The following MIB2 variants were observed in gnomAD, a reference collection of about 807,000 sequenced individuals.
MIB2 encodes MIB E3 ubiquitin protein ligase 2, also known as E3 ubiquitin-protein ligase MIB2.
A neutral mutation model predicts 96.6 loss-of-function variants in MIB2; 78 were observed. The ratio of observed to expected loss-of-function variants is 0.81; its 90% CI spans 0.67 to 0.97. The LOEUF is 0.97. Among genes scored for constraint, MIB2 ranks in the 50% least tolerant of loss-of-function variants. MIB2 has a pLI of 0.00. For synonymous variants in MIB2, 820 were observed against 629.5 expected, an observed-to-expected ratio of 1.30 and a Z score of -4.53; for missense variants, 1,543 against 1,424.0, an observed-to-expected ratio of 1.08 and a Z score of -1.35.
upstream of MIB2, chr1:1,615,402 TC>T: frequency 3.4e-6 from 5 of 1,454,986 alleles, no homozygotes; most frequent in Non-Finnish European, 4.5e-6. Context: ...ACGCAGACGC[TC>T]CCGCGTGACG....
rs998875766 is a variant in MIB2 at position 1,630,275 on chromosome 1, C to G, written c.2630-17C>G. On this transcript the variant is annotated splice_polypyrimidine_tract_variant and intron_variant, in intron 19 of 19. Coordinates refer to ENST00000355826, the MANE Select transcript of MIB2 (RefSeq NM_001170687.4). ...CCCACCCGGCCTCCCAGCTCACACC[C>G]GTCCCCCACCCCGCAGACGGCTCTG... 8 of 1,409,538 alleles carry G rather than the reference C, an allele frequency of 5.7e-6. No homozygotes were observed. Among genetic ancestry groups the G allele is most frequent in the African/African-American group, 1.6e-5 (1 of 64,318 alleles). The allele number at this position is 1,409,538 out of a possible 1,614,324, so 87.3% of individuals were successfully genotyped here.
Position 1,629,236 on chromosome 1 carries a change from G to A in MIB2, c.2306G>A (p.Arg769His). Reference protein sequence around the residue: ...EGADVSYTNHRGRSPLDLAAE... With the variant: ...EGADVSYTNHHGRSPLDLAAE... ...GCCGACGTGAGCTACACCAACCACC[G>A]CGGTCGGAGCCCGCTGGACCTGGCC... The change falls in exon 17 of 20, where the codon CGC becomes CAC. Residue 769 changes from arginine to histidine, a missense_variant. Coordinates refer to ENST00000355826, the MANE Select transcript of MIB2 (RefSeq NM_001170687.4). The A allele has an allele frequency of 1.3e-6, 2 of 1,544,872 alleles. No individual in the cohort carries two copies. Among genetic ancestry groups the A allele is most frequent in the Non-Finnish European group, 1.7e-6 (2 of 1,156,120 alleles).
chr1:1,625,467 T>TGCCCC lies in MIB2; in HGVS notation c.864+39_864+40insGCCCC. The TGCCCC allele has an allele frequency of 1.3e-6, 2 of 1,538,514 alleles. No individual in the cohort carries two copies. The highest frequency in any genetic ancestry group is 1.8e-6 in the Non-Finnish European group (2 of 1,134,290). On this transcript the variant is annotated intron_variant, in intron 7 of 19. Transcript: ENST00000355826. This position sits in a 1 kb window ranked among gnomAD's most constrained non-coding sequence, Gnocchi z 5.0. ...CCGTGGAGCCCTGTGTGCCCTGCCC[T>TGCCCC]CCCAGCCCTCCGCCCCCTCAGCCCC...
rs1265059549 is a variant in MIB2 at position 1,625,665 on chromosome 1, G to C, written c.972+12G>C. The C allele has an allele frequency of 6.5e-7, 1 of 1,547,564 alleles. No individual in the cohort carries two copies. The highest frequency in any genetic ancestry group is 1.4e-5 in the African/African-American group (1 of 73,066). ...GGGCGCTCACCAAGGTGCCGGGGGG[G>C]CTGGGCTGCGCCTCATCTGCTTGCT... On this transcript the variant is annotated intron_variant, in intron 8 of 19. Coordinates refer to ENST00000355826, the MANE Select transcript of MIB2 (RefSeq NM_001170687.4). This position sits in a 1 kb window ranked among gnomAD's most constrained non-coding sequence, Gnocchi z 5.0.
In MIB2 at chr1:1,626,370, C is replaced by T. The variant is rs1002496230; in HGVS notation, c.973-280C>T. The T allele has an allele frequency of 6.1e-6, 3 of 490,528 alleles. No homozygotes were observed. Among genetic ancestry groups the T allele is most frequent in the Admixed American group, 7.6e-5 (2 of 26,326 alleles). The allele number at this position is 490,528 out of a possible 1,614,324, so 30.4% of individuals were successfully genotyped here. A position where few individuals can be genotyped will look rare whatever the true frequency, so the allele number is the denominator to read the frequency against. ...CCTGCTGCTGGTCAGCGTACAGCTT[C>T]CCAGGGCCAGCCACCTCGGCTTCAC... On this transcript the variant is annotated intron_variant, in intron 8 of 19. Coordinates refer to ENST00000355826, the MANE Select transcript of MIB2 (RefSeq NM_001170687.4). The surrounding 1 kb of genome is among the most constrained non-coding windows in gnomAD (Gnocchi z 5.3).
Position 1,615,586 on chromosome 1 carries a change from G to A in MIB2, c.-177G>A. The A allele has an allele frequency of 4.5e-6, 7 of 1,554,048 alleles. No homozygotes were observed. The highest frequency in any genetic ancestry group is 6.1e-6 in the Non-Finnish European group (7 of 1,153,924). On this transcript the variant is annotated 5_prime_UTR_variant, in exon 1 of 20. Coordinates refer to ENST00000355826, the MANE Select transcript of MIB2 (RefSeq NM_001170687.4). The stretch of plus-strand genomic sequence containing the variant: ...CCTGGGAGCCCGAAGCCGTCCCCGA[G>A]TCGCTCCTAGGTCACTGGCGCGATG...
chr1:1,629,765 G>A (rs1230089721), intron 19 of MIB2, 61 bp downstream of exon 19: 63 of 1,467,308 alleles, frequency 4.3e-5, no homozygotes, highest in African/African-American at 1.5e-5. Flanking sequence ...GCGGGTCCCC[G>A]TCCCCCACCC....
Position 1,630,555 on chromosome 1 carries a change from C to T in MIB2, c.*25C>T. 1.3e-6 allele frequency: 2 copies of T among 1,516,438 alleles called. No individual in the cohort carries two copies. Among genetic ancestry groups the T allele is most frequent in the Non-Finnish European group, 1.8e-6 (2 of 1,133,164 alleles). 93.9% of individuals were successfully genotyped at this position (1,516,438 alleles called of 1,614,324 possible). Reference sequence around the variant, plus strand: ...AGCCGCGCCGTCCGCCGCGCCCGAGCTGCCTTCGCGTGCCCCCGCCCTGTG... The same window carrying T: ...AGCCGCGCCGTCCGCCGCGCCCGAGTTGCCTTCGCGTGCCCCCGCCCTGTG... On this transcript the variant is annotated 3_prime_UTR_variant, in exon 20 of 20. Transcript: ENST00000355826.
intron 19 of MIB2, among the ~76,000 whole-genome samples, 200 bp downstream of exon 19, chr1:1,629,904 C>T (rs1638455084): frequency 6.8e-6 from 1 of 146,778 alleles, no homozygotes. Flanking sequence ...CCCACAGCCC[C>T]GCCTCAAGGT....
At position 1,616,622 on chromosome 1, in the gene MIB2, C is replaced by G; in HGVS notation, c.-23+8C>G. On this transcript the variant is annotated splice_region_variant and intron_variant, in intron 2 of 19. Coordinates refer to ENST00000355826, the MANE Select transcript of MIB2 (RefSeq NM_001170687.4). ...GACTGGACGGCCGGACAGGTGAGCT[C>G]TTGATCGTCCGCGGCCTGATAGTTT... 6.3e-7 allele frequency: 1 copy of G among 1,579,478 alleles called. No homozygotes were observed.
At position 1,626,624 on chromosome 1, in the gene MIB2, C is replaced by T. The variant is rs752587059; in HGVS notation, c.973-26C>T. The T allele has an allele frequency of 1.3e-6, 2 of 1,512,504 alleles. No homozygotes were observed. The highest frequency in any genetic ancestry group is 1.3e-5 in the South Asian group (1 of 76,426). The allele number at this position is 1,512,504 out of a possible 1,614,324, so 93.7% of individuals were successfully genotyped here. On this transcript the variant is annotated intron_variant, in intron 8 of 19. Transcript: ENST00000355826. This position sits in a 1 kb window ranked among gnomAD's most constrained non-coding sequence, Gnocchi z 5.3. ...GGGCAGCCACACACAGCTGGGGGGC[C>T]CCTCACGCCCCTCTTTGTCGCTCAG...
At chr1:1,615,459 C>T, upstream of MIB2, 4 of 1,516,108 alleles carry the variant, frequency 2.6e-6, no homozygotes, top group African/African-American at 1.4e-5. Flanking sequence ...GGGGCGTGGC[C>T]ATGGCGGGGG....
rs1411948579 is a variant in MIB2 at position 1,625,616 on chromosome 1, AGACGCGCTG to A, written c.939_947del (p.Arg314_Thr316del). Reference sequence around the variant, plus strand: ...GACGTGCGCGTGCAGTTCAACCACGAGACGCGCTGGACCTTCCACCCCGGGGCGCTCACC... The same window carrying A: ...GACGTGCGCGTGCAGTTCAACCACGAGACCTTCCACCCCGGGGCGCTCACC... On this transcript the variant is annotated inframe_deletion, in exon 8 of 20. Coordinates refer to ENST00000355826, the MANE Select transcript of MIB2 (RefSeq NM_001170687.4). The surrounding 1 kb of genome is among the most constrained non-coding windows in gnomAD (Gnocchi z 5.0). 1.3e-6 allele frequency: 2 copies of A among 1,574,038 alleles called. No individual in the cohort carries two copies.
rs889515301 is a variant in MIB2 at position 1,629,399 on chromosome 1, G to A, written c.2396G>A (p.Gly799Asp). Residue 799 changes from glycine to aspartate, a missense_variant, in exon 18 of 20, where the codon GGC becomes GAC. Transcript: ENST00000355826. ...CAQRFRERQA[G>D]GGAAPGPRQT... is the part of the protein sequence containing the mutation. The stretch of plus-strand genomic sequence containing the variant: ...TCCCCCTGCAGGGAGCGGCAGGCGG[G>A]CGGGGGCGCGGCCCCGGGCCCCAGG... The A allele has an allele frequency of 2.8e-6, 4 of 1,444,074 alleles. No individual in the cohort carries two copies. The highest frequency in any genetic ancestry group is 3.6e-6 in the Non-Finnish European group (4 of 1,110,926). The allele number at this position is 1,444,074 out of a possible 1,614,324, so 89.5% of individuals were successfully genotyped here.
At position 1,628,652 on chromosome 1, in the gene MIB2, G is replaced by C. The variant is rs756328799; in HGVS notation, c.2132G>C (p.Arg711Pro). The change falls in exon 16 of 20, where the codon CGT becomes CCT. Residue 711 changes from arginine to proline, a missense_variant. Transcript: ENST00000355826. Reference protein sequence around the residue: ...GDTALHVALQRHQLLPLVADG... With the variant: ...GDTALHVALQPHQLLPLVADG... The stretch of plus-strand genomic sequence containing the variant: ...ACAGCCCTGCACGTGGCGCTGCAGC[G>C]TCATCAGCTGCTGCCCCTGGTGGCT... The C allele has an allele frequency of 6.3e-7, 1 of 1,590,844 alleles. No individual in the cohort carries two copies. The highest frequency in any genetic ancestry group is 8.5e-7 in the Non-Finnish European group (1 of 1,171,974).
In MIB2 at chr1:1,630,325, C is replaced by T; in HGVS notation, c.2663C>T (p.Pro888Leu). ...GAGGTGGCGAGCGCCGCCCCCGCCC[C>T]CGGCCCGCCGCGCCAGCTGGTGGAG... ...GSEVASAAPA[P>L]GPPRQLVEEL... The change falls in exon 20 of 20, where the codon CCC becomes CTC. Residue 888 changes from proline (P) to leucine (L), a missense_variant. Transcript: ENST00000355826. 3 of 1,533,502 alleles carry T rather than the reference C, an allele frequency of 2.0e-6. 1 individual carries two copies. Among genetic ancestry groups the T allele is most frequent in the East Asian group, 5.0e-5 (2 of 39,772 alleles). 95.0% of individuals were successfully genotyped at this position (1,533,502 alleles called of 1,614,324 possible).
At chr1:1,615,858 T>G in intron 1 of MIB2, 1 of 1,181,888 alleles carries the variant, frequency 8.5e-7, no homozygotes. Context: ...GGACTCCAGC[T>G]CCCGGCAGGC....
chr1:1,629,648 G>T lies in MIB2; in HGVS notation c.2573G>T (p.Arg858Leu). The T allele has an allele frequency of 2.5e-6, 4 of 1,596,236 alleles. No homozygotes were observed. Among genetic ancestry groups the T allele is most frequent in the Non-Finnish European group, 3.4e-6 (4 of 1,171,466 alleles). ...QHRTVCEECA[R>L]RMKKCIRCQV... is the part of the protein sequence containing the mutation. ...GCTCTCCTCTTCGCAGAGTGCGCGC[G>T]CAGGATGAAGAAGTGCATCAGGTGC... The change falls in exon 19 of 20, where the codon CGC becomes CTC. Residue 858 changes from arginine to leucine, a missense_variant. Transcript: ENST00000355826.
chr1:1,615,052 C>A, upstream of MIB2: 1 of 181,072 alleles, frequency 5.5e-6, no homozygotes, highest in Non-Finnish European at 1.2e-5. Flanking sequence ...AAATGAGAAA[C>A]TAGCAGTGCA....
Sources: allele counts gnomAD v4.1 joint callset (sites outside exome capture counted in the v4.1 genomes callset), GRCh38; gene constraint gnomAD v4.1.1; non-coding constraint Gnocchi (gnomAD v3.1); transcripts MANE v1.5; gene names NCBI Gene and HGNC (gene_info 2026-07-23, HGNC 2026-07-21).